AFAP1: variants seen among roughly 807,000 people sequenced by gnomAD.
The protein encoded by AFAP1 is actin filament-associated protein 1.
In AFAP1, 75 loss-of-function variants were observed where a neutral mutation model predicts 93.9. The observed-to-expected ratio is 0.80, with a 90% CI of 0.66 to 0.97. The LOEUF (loss-of-function observed/expected upper bound fraction) is 0.97, where lower values mean the gene tolerates loss of function less well. AFAP1 is among the 50% of genes least tolerant of loss of function. The probability of loss-of-function intolerance (pLI) is 0.00; values close to 1 mark genes in which losing one functional copy is unlikely to be tolerated. For synonymous variants in AFAP1, 517 were observed against 430.7 expected (o/e 1.20, Z -2.48); for missense variants, 1,201 against 1,050.8 (o/e 1.14, Z -1.98).
intron 10 of AFAP1, among the ~76,000 whole-genome samples, chr4:7,794,431 G>A (rs1179916022): frequency 6.6e-6 from 1 of 152,190 alleles, no homozygotes; most frequent in East Asian, 1.9e-4. Flanking sequence ...TTTTTAAGAT[G>A]TTTGCTATCT....
intron 12 of AFAP1, among the ~76,000 whole-genome samples, chr4:7,782,304 T>C (rs1054731042): frequency 2.6e-5 from 4 of 152,244 alleles, no homozygotes; most frequent in African/African-American, 9.6e-5. Context: ...TGAGACCACC[T>C]GCAGGCTCCT....
At chr4:7,807,142 T>C (rs1213743191) in intron 9 of AFAP1, among the ~76,000 whole-genome samples, 1 of 152,218 alleles carries the variant, frequency 6.6e-6, no homozygotes, top group African/African-American at 2.4e-5. Context: ...TTGCCTTTCA[T>C]ATTAATGTTT....
At chr4:7,772,010 G>A (rs908148798) in intron 16 of AFAP1, among the ~76,000 whole-genome samples, 1 of 152,318 alleles carries the variant, frequency 6.6e-6, no homozygotes, top group African/African-American at 2.4e-5. Context: ...AACCCGCCCA[G>A]GGCTCATGTG....
At chr4:7,881,975 A>G (rs959649798) in intron 1 of AFAP1, among the ~76,000 whole-genome samples, 9 of 152,210 alleles carry the variant, frequency 5.9e-5, no homozygotes, top group African/African-American at 2.2e-4. Flanking sequence ...ACACATGCAC[A>G]GCCAAGCATT....
At chr4:7,786,168 C>A in intron 12 of AFAP1, 26 bp downstream of exon 12, 1 of 1,599,900 alleles carries the variant, frequency 6.3e-7, no homozygotes, top group South Asian at 1.1e-5. Flanking sequence ...CAAAACCAAC[C>A]ATTACTCCAA....
At position 7,873,388 on chromosome 4, in the gene AFAP1, G is replaced by A. The variant is rs532178700; in HGVS notation, c.-2-1308C>T. On this transcript the variant is annotated intron_variant, in intron 1 of 17. Transcript: ENST00000420658. ...TTTTTTGAGACGGAGTCTCACTGTC[G>A]CCCAGGCTGGAGTGCAGTGGCACGA... Among the ~76,000 whole-genome samples, 19 of 95,100 alleles carry A rather than the reference G, an allele frequency of 2.0e-4. No individual in the cohort carries two copies. In the South Asian group the frequency reaches 3.9e-3, roughly 19 times the overall value. 62.4% of individuals were successfully genotyped at this position (95,100 alleles called of 152,430 possible). A position where few individuals can be genotyped will look rare whatever the true frequency, so the allele number is the denominator to read the frequency against.
intron 3 of AFAP1, among the ~76,000 whole-genome samples, chr4:7,860,388 T>A (rs1217368287): frequency 6.6e-6 from 1 of 152,092 alleles, no homozygotes; most frequent in Non-Finnish European, 1.5e-5. Context: ...ATCCAAAACT[T>A]TTTTTAGCAC....
At chr4:7,793,638 G>C (rs371443077) in intron 11 of AFAP1, 43 bp downstream of exon 11, 19 of 1,455,110 alleles carry the variant, frequency 1.3e-5, no homozygotes, top group Non-Finnish European at 1.6e-5. Context: ...GGAAAAGACA[G>C]TTACTGAACT....
rs2148923943 is a variant in AFAP1 at position 7,760,084 on chromosome 4, C to T, written c.*3681G>A. 6.6e-6 allele frequency: 1 copy of T among 152,350 alleles called. No individual in the cohort carries two copies. Among genetic ancestry groups the T allele is most frequent in the East Asian group, 1.9e-4 (1 of 5,182 alleles). 9.4% of individuals were successfully genotyped at this position (152,350 alleles called of 1,614,324 possible). On this transcript the variant is annotated 3_prime_UTR_variant, in exon 18 of 18. Coordinates refer to ENST00000420658, the MANE Select transcript of AFAP1 (RefSeq NM_001134647.2). ...TTGCTCACAACCCTACACCTAACCC[C>T]AGCTTCGACGCTGCCCTTTGAGTCC... is the stretch of plus-strand genomic sequence containing the variant.
rs373817391 is a variant in AFAP1 at position 7,796,520 on chromosome 4, C to T, written c.1267-2694G>A. ...ATCCCAGCACTTTGGGAGGCCGAGG[C>T]GGGCGGATCATGAGGTCAGGAGATC... On this transcript the variant is annotated intron_variant, in intron 10 of 17. Transcript: ENST00000420658. Among the ~76,000 whole-genome samples the T allele has an allele frequency of 3.3e-4, 50 of 151,998 alleles. No individual in the cohort carries two copies. In the East Asian group the frequency reaches 6.2e-3, roughly 19 times the overall value.
At chr4:7,935,547 T>C (rs1002093292) in intron 1 of AFAP1, among the ~76,000 whole-genome samples, 2 of 152,172 alleles carry the variant, frequency 1.3e-5, no homozygotes, top group Non-Finnish European at 2.9e-5. Context: ...AGCAAAGACT[T>C]GAGACTTATA....
chr4:7,906,179 A>T lies in AFAP1; in HGVS notation c.-3+33477T>A, dbSNP rs1441423393. On this transcript the variant is annotated intron_variant, in intron 1 of 17. Coordinates refer to ENST00000420658, the MANE Select transcript of AFAP1 (RefSeq NM_001134647.2). ...GACCTATCGAGAAAGAAACAGGGTTACTAGAAGCCCGAGCCTCTACTCCCA... is the reference window on the plus strand; with the variant it reads ...GACCTATCGAGAAAGAAACAGGGTTTCTAGAAGCCCGAGCCTCTACTCCCA... 4.6e-5 allele frequency among the ~76,000 whole-genome samples: 7 copies of T among 152,336 alleles called. No individual in the cohort carries two copies. In the East Asian group the frequency reaches 1.4e-3, roughly 29 times the overall value.
chr4:7,865,552 G>A lies in AFAP1; in HGVS notation c.225+3070C>T, dbSNP rs114609383. On this transcript the variant is annotated intron_variant, in intron 3 of 17. Transcript: ENST00000420658. The stretch of plus-strand genomic sequence containing the variant: ...ATAACCATTTTCCTACCAAAGGCAG[G>A]AGCAGATCATAGGCCAGGGAAAGCA... Among the ~76,000 whole-genome samples, 891 of 152,314 alleles carry A rather than the reference G, an allele frequency of 5.8e-3. 7 individuals carry two copies. The highest frequency in any genetic ancestry group is 0.019 in the African/African-American group (779 of 41,564).
intron 10 of AFAP1, chr4:7,799,138 T>A (rs1178436919): frequency 2.1e-6 from 2 of 970,214 alleles, no homozygotes; most frequent in African/African-American, 3.5e-5. Flanking sequence ...AACAAAAGCT[T>A]TGGCCGTGGT....
At chr4:7,853,207 G>A (rs959798406) in intron 4 of AFAP1, among the ~76,000 whole-genome samples, 14 of 149,256 alleles carry the variant, frequency 9.4e-5, no homozygotes, top group Admixed American at 6.0e-4. Flanking sequence ...GGAGTGATAG[G>A]GCAGAGGGGA....
intron 6 of AFAP1, among the ~76,000 whole-genome samples, chr4:7,822,579 CTTTTTTCTTTTTTTTTTT>C (rs1721060540): frequency 9.4e-6 from 1 of 106,136 alleles, no homozygotes; most frequent in Non-Finnish European, 1.9e-5. Flanking sequence ...CTTTCTTTTT[CTTTTTTCTTTTTTTTTTT>C]TTTTTGAGAC....
chr4:7,935,556 T>C (rs763717129), intron 1 of AFAP1, among the ~76,000 whole-genome samples: 3 of 152,182 alleles, frequency 2.0e-5, no homozygotes, highest in Admixed American at 1.3e-4. Context: ...TTGAGACTTA[T>C]AATCTAAGAA....
chr4:7,768,168 A>C (rs1714886606), intron 17 of AFAP1, among the ~76,000 whole-genome samples: 2 of 152,232 alleles, frequency 1.3e-5, no homozygotes, highest in Admixed American at 1.3e-4. Context: ...GGGGCCGGCC[A>C]CACTCCTGTG....
At chr4:7,784,261 G>A (rs1437607601) in intron 12 of AFAP1, among the ~76,000 whole-genome samples, 3 of 152,086 alleles carry the variant, frequency 2.0e-5, no homozygotes, top group Non-Finnish European at 4.4e-5. Context: ...CTACTGGATG[G>A]ACTCTGAAGC....
Sources: gnomAD v4.1 joint callset for allele counts (sites outside exome capture counted in the v4.1 genomes callset) on GRCh38, gnomAD v4.1.1 for gene constraint, MANE v1.5 for transcripts, NCBI Gene and HGNC (gene_info 2026-07-23, HGNC 2026-07-21) for gene names.